The following GNAL variants were observed in gnomAD, a reference collection of about 807,000 sequenced individuals.
The protein encoded by GNAL is guanine nucleotide-binding protein G(olf) subunit alpha.
GNAL carries 18 observed loss-of-function variants against 55.1 expected under a neutral mutation model. The observed-to-expected ratio is 0.33, with a 90% CI of 0.23 to 0.48. GNAL has a LOEUF of 0.48. Ranked by LOEUF, GNAL falls within the 20% of genes least tolerant of loss-of-function variation. The pLI is 0.99. For missense variants in GNAL, 412 were observed against 614.1 expected, an observed-to-expected ratio of 0.67 and a Z score of 3.48; for synonymous variants, 253 against 237.0, an observed-to-expected ratio of 1.07 and a Z score of -0.62.
intron 9 of GNAL, among the ~76,000 whole-genome samples, chr18:11,870,818 GATTATCAGAAAAGTGTTTTTGT>G (rs1026725064): frequency 6.6e-6 from 1 of 152,128 alleles, no homozygotes; most frequent in Non-Finnish European, 1.5e-5. Context: ...AAAAGTTTTG[GATTATCAGAAAAGTGTTTTTGT>G]ATGAAATGTT....
Position 11,752,305 on chromosome 18 carries a change from A to G in GNAL, c.377-548A>G. ...GCCTGCTCTGAATCGGAAAACACCG[A>G]AGAGACCAGACCATCTCTTTCAGCA... On this transcript the variant is annotated intron_variant, in intron 1 of 11. Coordinates refer to ENST00000334049, the MANE Select transcript of GNAL (RefSeq NM_182978.4). This position sits in a 1 kb window ranked among gnomAD's most constrained non-coding sequence, Gnocchi z 4.5. The G allele has an allele frequency of 6.9e-7, 1 of 1,454,500 alleles. No homozygotes were observed. The highest frequency in any genetic ancestry group is 9.0e-7 in the Non-Finnish European group (1 of 1,107,592). The allele number at this position is 1,454,500 out of a possible 1,614,324, so 90.1% of individuals were successfully genotyped here. A position where few individuals can be genotyped will look rare whatever the true frequency, so the allele number is the denominator to read the frequency against.
At chr18:11,879,215 C>A (rs1174103265) in intron 11 of GNAL, among the ~76,000 whole-genome samples, 2 of 151,408 alleles carry the variant, frequency 1.3e-5, no homozygotes, top group Non-Finnish European at 2.9e-5. Context: ...ATAGGTCTAT[C>A]CCCGTGAGGA....
rs189459941 is a variant in GNAL, at chr18:11,751,298, G to T, written c.377-1555G>T. Among the ~76,000 whole-genome samples the T allele has an allele frequency of 6.6e-6, 1 of 152,162 alleles. No homozygotes were observed. Among genetic ancestry groups the T allele is most frequent in the Admixed American group, 6.5e-5 (1 of 15,270 alleles). ...CCCTATTGGAGGGGTCTCAGTAACG[G>T]AGGGCAGGTGCCAGTCTCGCGCCCT... is the stretch of plus-strand genomic sequence containing the variant. On this transcript the variant is annotated intron_variant, in intron 1 of 11. Coordinates refer to ENST00000334049, the MANE Select transcript of GNAL (RefSeq NM_182978.4). This position sits in a 1 kb window ranked among gnomAD's most constrained non-coding sequence, Gnocchi z 4.5.
chr18:11,748,337 C>G (rs1042589503), intron 1 of GNAL, among the ~76,000 whole-genome samples: 1 of 152,200 alleles, frequency 6.6e-6, no homozygotes, highest in Non-Finnish European at 1.5e-5. Context: ...TCTTCTTACT[C>G]AGCCTCTCAG....
intron 4 of GNAL, among the ~76,000 whole-genome samples, chr18:11,763,415 T>C (rs2033307323): frequency 6.6e-6 from 1 of 152,172 alleles, no homozygotes; most frequent in African/African-American, 2.4e-5. Context: ...ACGATATCTT[T>C]TTTTTTTTCT....
At chr18:11,698,540 C>G (rs530105307) in intron 1 of GNAL, among the ~76,000 whole-genome samples, 1 of 149,468 alleles carries the variant, frequency 6.7e-6, no homozygotes, top group East Asian at 2.0e-4. Flanking sequence ...ACTGGGTGTG[C>G]AGGTTCATGG....
chr18:11,760,009 A>G (rs1467684833), intron 4 of GNAL, among the ~76,000 whole-genome samples: 13 of 151,970 alleles, frequency 8.6e-5, no homozygotes, highest in Non-Finnish European at 1.3e-4. Flanking sequence ...ATTCCTGCCC[A>G]GTACCTCATC....
intron 4 of GNAL, among the ~76,000 whole-genome samples, chr18:11,758,439 A>G (rs1315324812): frequency 1.3e-5 from 2 of 152,214 alleles, no homozygotes; most frequent in Admixed American, 1.3e-4. Context: ...TCCCTTCACA[A>G]GCCAGAACTG....
intron 5 of GNAL, among the ~76,000 whole-genome samples, chr18:11,843,079 C>T (rs1261494929): frequency 6.6e-6 from 1 of 152,112 alleles, no homozygotes; most frequent in Non-Finnish European, 1.5e-5. Flanking sequence ...TGCCTGTAAT[C>T]TCAACATGTT....
intron 4 of GNAL, among the ~76,000 whole-genome samples, chr18:11,792,514 T>C (rs1323283139): frequency 6.6e-6 from 1 of 152,224 alleles, no homozygotes; most frequent in East Asian, 1.9e-4. Context: ...AATTACTTGG[T>C]ATGTCTTAGC....
At chr18:11,800,163 A>ATACG (rs1568033048) in intron 4 of GNAL, among the ~76,000 whole-genome samples, 2 of 151,928 alleles carry the variant, frequency 1.3e-5, no homozygotes, top group African/African-American at 4.9e-5. Flanking sequence ...CACACATAGT[A>ATACG]TACGTGATAG....
intron 5 of GNAL, chr18:11,852,403 T>C: frequency 2.8e-6 from 1 of 362,924 alleles, no homozygotes; most frequent in Non-Finnish European, 5.3e-6. Flanking sequence ...TGGTCAAAAC[T>C]GTATTCAGTT....
At chr18:11,750,579 C>T (rs888895340) in intron 1 of GNAL, among the ~76,000 whole-genome samples, 2 of 152,110 alleles carry the variant, frequency 1.3e-5, no homozygotes, top group Non-Finnish European at 2.9e-5. Context: ...AAAGCAGGAG[C>T]CACAGAGACG....
rs548870556 is a variant in GNAL, at chr18:11,819,592, GA to G, written c.625-5320del. On this transcript the variant is annotated intron_variant, in intron 4 of 11. Transcript: ENST00000334049. ...GGCAATTCTCATATTCAGTAATACA[GA>G]AAAAATTAAGAAATTTAACTTAGTA... 9.0e-3 allele frequency among the ~76,000 whole-genome samples: 1,365 copies of G among 151,918 alleles called. 23 individuals are homozygous for G. The highest frequency in any genetic ancestry group is 0.031 in the African/African-American group (1,295 of 41,446).
intron 4 of GNAL, among the ~76,000 whole-genome samples, chr18:11,776,707 C>CAAAA (rs33937288): frequency 5.6e-5 from 4 of 71,618 alleles, no homozygotes; most frequent in Admixed American, 1.7e-4. Flanking sequence ...GATCCTGCCT[C>CAAAA]AAAAAAAAAA....
intron 5 of GNAL, among the ~76,000 whole-genome samples, chr18:11,858,727 A>G (rs566006603): frequency 7.2e-6 from 1 of 139,358 alleles, no homozygotes; most frequent in Non-Finnish European, 1.5e-5. Context: ...TCATTGCACA[A>G]ACTTGAAATG....
chr18:11,841,659 A>AAAG (rs1555612588), intron 5 of GNAL, among the ~76,000 whole-genome samples: 8 of 149,422 alleles, frequency 5.4e-5, no homozygotes, highest in African/African-American at 1.2e-4. Flanking sequence ...AAAAAAAAAA[A>AAAG]AAAGAAAGAA....
chr18:11,841,126 G>A (rs946445456), intron 5 of GNAL, among the ~76,000 whole-genome samples: 3 of 151,740 alleles, frequency 2.0e-5, no homozygotes, highest in Admixed American at 6.6e-5. Context: ...TGCCCACCTC[G>A]GCCTCCCAAA....
intron 5 of GNAL, chr18:11,857,416 G>A: frequency 1.2e-6 from 1 of 859,300 alleles, no homozygotes; most frequent in East Asian, 1.2e-4. Flanking sequence ...AGTTTTGACT[G>A]GAGTGGAGGG....
Sources: gnomAD v4.1 joint callset for allele counts (sites outside exome capture counted in the v4.1 genomes callset) on GRCh38, gnomAD v4.1.1 for gene constraint, Gnocchi (gnomAD v3.1) non-coding constraint, MANE v1.5 for transcripts, NCBI Gene and HGNC (gene_info 2026-07-23, HGNC 2026-07-21) for gene names.